Variants in OGT observed in about 807,000 individuals in gnomAD.
The protein encoded by OGT is UDP-N-acetylglucosamine--peptide N-acetylglucosaminyltransferase 110 kDa subunit.
Under a neutral mutation model 75.8 loss-of-function variants are expected in OGT, and 3 were observed. The observed-to-expected ratio is 0.04, with a 90% CI of 0.02 to 0.10. The LOEUF (loss-of-function observed/expected upper bound fraction) is 0.10, where lower values mean the gene tolerates loss of function less well. OGT is among the 10% of genes least tolerant of loss of function. The pLI is 1.00. For synonymous variants in OGT, 257 were observed against 289.7 expected (o/e 0.89, Z 1.15); for missense variants, 260 against 824.4 (o/e 0.32, Z 8.38).
chrX:71,551,324 A>G (rs2040302367), intron 5 of OGT, among the ~76,000 whole-genome samples: 1 of 112,878 alleles, frequency 8.9e-6, no homozygotes, highest in Non-Finnish European at 1.9e-5. Context: ...ATAGAATATC[A>G]CCATTAATAG....
chrX:71,563,271 T>C (rs1391704659), intron 17 of OGT, 25 bp downstream of exon 17: 3 of 1,201,603 alleles, frequency 2.5e-6, no homozygotes, highest in Admixed American at 2.2e-5. Flanking sequence ...AGTATTGTCA[T>C]TGAAATAAAG....
rs189259160 is a variant in OGT at position 71,569,897 on chromosome X, G to A, written c.2966+1781G>A. On this transcript the variant is annotated intron_variant, in intron 21 of 21. Transcript: ENST00000373719. Reference sequence around the variant, plus strand: ...ACTACAGGTGCACGCCACCACGCCCGGCTAATTTTTGTATTTTTAGTAGAG... The same window carrying A: ...ACTACAGGTGCACGCCACCACGCCCAGCTAATTTTTGTATTTTTAGTAGAG... Among the ~76,000 whole-genome samples, 692 of 104,844 alleles carry A rather than the reference G, an allele frequency of 6.6e-3. 5 individuals carry two copies. The highest frequency in any genetic ancestry group is 0.023 in the African/African-American group (667 of 28,486). 91.0% of individuals were successfully genotyped at this position (104,844 alleles called of 115,157 possible).
chrX:71,538,164 G>A (rs1383379377), intron 3 of OGT, 92 bp downstream of exon 3: 22 of 1,012,689 alleles, frequency 2.2e-5, no homozygotes, highest in Non-Finnish European at 2.8e-5. Flanking sequence ...GTTTTCACAT[G>A]GAATAAAGTC....
chrX:71,533,759 C>T (rs915126727), intron 1 of OGT, among the ~76,000 whole-genome samples: 4 of 109,504 alleles, frequency 3.7e-5, no homozygotes, highest in African/African-American at 1.3e-4. Context: ...TCTCCCCCCC[C>T]AGTCTTTTCC....
intron 4 of OGT, chrX:71,546,278 T>C: frequency 2.7e-6 from 2 of 754,416 alleles, no homozygotes; most frequent in Non-Finnish European, 3.1e-6. Flanking sequence ...TGTTGAACTT[T>C]TACTAATGAT....
At chrX:71,557,364 A>G (rs930692472) in intron 11 of OGT, 68 bp downstream of exon 11, 2 of 1,064,451 alleles carry the variant, frequency 1.9e-6, no homozygotes, top group African/African-American at 3.7e-5. Context: ...GTATGCCATA[A>G]GAATCCAAGC....
chrX:71,564,862 A>G, intron 19 of OGT, 109 bp downstream of exon 19: 1 of 677,315 alleles, frequency 1.5e-6, no homozygotes, highest in Non-Finnish European at 2.2e-6. Flanking sequence ...ATTTCTTTTT[A>G]AAATTTTTTT....
rs752079097 is a variant in OGT at position 71,563,343 on chromosome X, T to C, written c.2280T>C (p.Asp760=). The C allele has an allele frequency of 8.3e-7, 1 of 1,208,915 alleles. No homozygotes were observed. The highest frequency in any genetic ancestry group is 1.7e-5 in the African/African-American group (1 of 57,738). Residue 760 remains aspartate, a synonymous_variant, in exon 18 of 22, where the codon GAT becomes GAC. Coordinates refer to ENST00000373719, the MANE Select transcript of OGT (RefSeq NM_181672.3). ...DVKIVKMKCP[D]GGDNADSSNT... is the part of the protein sequence containing the mutation. ...TTTTTTTTCAGATGAAGTGTCCTGATGGAGGAGACAATGCAGATAGCAGTA... is the reference window on the plus strand; with the variant it reads ...TTTTTTTTCAGATGAAGTGTCCTGACGGAGGAGACAATGCAGATAGCAGTA...
chrX:71,550,605 C>T (rs764601434), intron 5 of OGT, among the ~76,000 whole-genome samples: 5 of 111,539 alleles, frequency 4.5e-5, no homozygotes, highest in African/African-American at 1.6e-4. Context: ...TTTTAATGGG[C>T]GTATTTGCTA....
chrX:71,540,058 G>A (rs1285597902), intron 3 of OGT, among the ~76,000 whole-genome samples: 1 of 112,369 alleles, frequency 8.9e-6, no homozygotes, highest in Non-Finnish European at 1.9e-5. Context: ...AATAAATCAT[G>A]GGATTACCTC....
chrX:71,558,407 C>T (rs1340001182), intron 12 of OGT, among the ~76,000 whole-genome samples: 1 of 108,407 alleles, frequency 9.2e-6, no homozygotes, highest in Non-Finnish European at 1.9e-5. Flanking sequence ...GTCATCCAGA[C>T]TGCAGTGCAG....
At chrX:71,559,182 G>T in intron 12 of OGT, 85 bp from the exon 13 acceptor site, 6 of 889,554 alleles carry the variant, frequency 6.7e-6, no homozygotes, top group Non-Finnish European at 9.6e-6. Context: ...CAGGTGTGAG[G>T]TATAGGTTTG....
intron 18 of OGT, among the ~76,000 whole-genome samples, chrX:71,564,052 AATAATAT>A (rs1354510821): frequency 8.9e-6 from 1 of 112,353 alleles, no homozygotes; most frequent in African/African-American, 3.2e-5. Flanking sequence ...GTACTCAATA[AATAATAT>A]ATTGCATGCT....
In OGT at chrX:71,557,535, T is replaced by C. The variant is rs1427658150; in HGVS notation, c.1465T>C (p.Leu489=). ...WTDYDERMKK[L]VSIVADQLEK... ...AGACTATGATGAGCGAATGAAGAAG[T>C]TGGTCAGTATTGTGGCTGACCAGTT... Residue 489 remains leucine, a synonymous_variant, in exon 12 of 22, where the codon TTG becomes CTG. Coordinates refer to ENST00000373719, the MANE Select transcript of OGT (RefSeq NM_181672.3). 1 of 1,208,536 alleles carries C rather than the reference T, an allele frequency of 8.3e-7. No homozygotes were observed. Among genetic ancestry groups the C allele is most frequent in the East Asian group, 3.0e-5 (1 of 33,804 alleles).
chrX:71,547,796 A>G, intron 4 of OGT, 111 bp from the exon 5 acceptor site: 1 of 1,130,569 alleles, frequency 8.8e-7, no homozygotes, highest in Non-Finnish European at 1.2e-6. Context: ...AGGAATAATG[A>G]TATCACCTTC....
chrX:71,550,997 G>T (rs997889208), intron 5 of OGT, among the ~76,000 whole-genome samples: 11 of 111,334 alleles, frequency 9.9e-5, no homozygotes, highest in African/African-American at 2.9e-4. Flanking sequence ...GGTGACCACA[G>T]TTGTTAATAA....
chrX:71,566,799 A>G (rs1421460106), intron 19 of OGT, among the ~76,000 whole-genome samples: 2 of 112,705 alleles, frequency 1.8e-5, no homozygotes, highest in African/African-American at 6.4e-5. Flanking sequence ...ATACATACAC[A>G]CACAGTACTA....
rs867576500 is a variant in OGT at position 71,533,532 on chromosome X, C to T, written c.37+196C>T. Among the ~76,000 whole-genome samples, 29 of 112,047 alleles carry T rather than the reference C, an allele frequency of 2.6e-4. 1 individual carries two copies. The highest frequency in any genetic ancestry group is 9.1e-4 in the African/African-American group (28 of 30,757). On this transcript the variant is annotated intron_variant, in intron 1 of 21. Transcript: ENST00000373719. ...GTCCGCTTCCCGAACATTTCCTCCT[C>T]CTCCCTTGCTTGCTTTTTGCTGCCT...
At chrX:71,546,510 A>G (rs2040259827) in intron 4 of OGT, 1 of 752,811 alleles carries the variant, frequency 1.3e-6, no homozygotes, top group East Asian at 1.5e-4. Flanking sequence ...TGTAACTGCC[A>G]CAGCAAAACA....
Sources: gnomAD v4.1 joint callset for allele counts (sites outside exome capture counted in the v4.1 genomes callset) on GRCh38, gnomAD v4.1.1 for gene constraint, MANE v1.5 for transcripts, NCBI Gene and HGNC (gene_info 2026-07-23, HGNC 2026-07-21) for gene names.